SLC35F4: variants seen among roughly 807,000 people sequenced by gnomAD.
SLC35F4 encodes the protein solute carrier family 35 member F4.
Under a neutral mutation model 44.2 loss-of-function variants are expected in SLC35F4, and 24 were observed. The observed-to-expected ratio is 0.54, with a 90% CI of 0.39 to 0.76. The LOEUF is 0.76. Among genes scored for constraint, SLC35F4 ranks in the 30% least tolerant of loss-of-function variants. SLC35F4 has a pLI of 0.00. For synonymous variants in SLC35F4, 238 were observed against 223.6 expected, an observed-to-expected ratio of 1.06 and a Z score of -0.57; for missense variants, 562 against 586.1, an observed-to-expected ratio of 0.96 and a Z score of 0.42.
upstream of SLC35F4, among the ~76,000 whole-genome samples, chr14:57,868,955 T>C (rs145217928): frequency 9.2e-5 from 14 of 152,328 alleles, no homozygotes; most frequent in East Asian, 2.7e-3. Flanking sequence ...AAATAGTTTA[T>C]CATGATAGCC....
intron 1 of SLC35F4, among the ~76,000 whole-genome samples, chr14:57,612,002 A>T (rs1472984807): frequency 6.6e-6 from 1 of 152,186 alleles, no homozygotes; most frequent in Non-Finnish European, 1.5e-5. Context: ...TTTCCTTGAG[A>T]CAATATCTCA....
intron 1 of SLC35F4, among the ~76,000 whole-genome samples, chr14:57,791,186 A>C (rs905477821): frequency 4.6e-5 from 7 of 152,206 alleles, no homozygotes; most frequent in African/African-American, 1.7e-4. Context: ...CTATCATCGG[A>C]GTGAACAGGC....
chr14:57,862,860 G>T (rs1887798421), intron 1 of SLC35F4, among the ~76,000 whole-genome samples: 1 of 152,022 alleles, frequency 6.6e-6, no homozygotes, highest in Admixed American at 6.6e-5. Flanking sequence ...TTTCTTTATT[G>T]TCTTGTTTGC....
chr14:57,878,052 C>T (rs1888438997), intron 1 of SLC35F4, among the ~76,000 whole-genome samples: 1 of 151,964 alleles, frequency 6.6e-6, no homozygotes, highest in Admixed American at 6.6e-5. Flanking sequence ...TTTGGGTTTG[C>T]ATTTTTCTAA....
intron 1 of SLC35F4, among the ~76,000 whole-genome samples, chr14:57,786,631 T>C (rs1056215152): frequency 1.3e-5 from 2 of 152,140 alleles, no homozygotes; most frequent in Admixed American, 6.5e-5. Context: ...CGGAGCCAGG[T>C]AGACTCACTG....
At chr14:57,897,137 G>A (rs1888890990) in intron 1 of SLC35F4, among the ~76,000 whole-genome samples, 1 of 152,150 alleles carries the variant, frequency 6.6e-6, no homozygotes, top group African/African-American at 2.4e-5. Context: ...TTCACCAGAA[G>A]CACTGAGATA....
intron 1 of SLC35F4, among the ~76,000 whole-genome samples, chr14:57,979,920 A>T (rs143394660): frequency 6.6e-6 from 1 of 152,358 alleles, no homozygotes; most frequent in East Asian, 1.9e-4. Context: ...GAAAATAGTA[A>T]ATGTCATAAT....
intron 1 of SLC35F4, among the ~76,000 whole-genome samples, chr14:57,619,986 T>G (rs2072083674): frequency 1.3e-5 from 2 of 151,326 alleles, no homozygotes; most frequent in Admixed American, 1.3e-4. Flanking sequence ...AAGACAAGAT[T>G]AGTGAAAAAA....
intron 4 of SLC35F4, among the ~76,000 whole-genome samples, chr14:57,576,835 A>T (rs186525145): frequency 6.6e-6 from 1 of 152,306 alleles, no homozygotes; most frequent in Admixed American, 6.5e-5. Context: ...GTTGTAAAGA[A>T]ATCCCACGAA....
chr14:57,829,469 G>A (rs1433845696), intron 1 of SLC35F4, among the ~76,000 whole-genome samples: 1 of 152,190 alleles, frequency 6.6e-6, no homozygotes, highest in African/African-American at 2.4e-5. Flanking sequence ...TGTTCCCTCA[G>A]TGACAGAATA....
At chr14:57,719,305 G>A (rs1594876802) in intron 1 of SLC35F4, among the ~76,000 whole-genome samples, 2 of 151,958 alleles carry the variant, frequency 1.3e-5, no homozygotes, top group African/African-American at 2.4e-5. Context: ...GCTATTATGG[G>A]TCCTTTGTGA....
chr14:57,847,351 T>G (rs1460757585), intron 1 of SLC35F4, among the ~76,000 whole-genome samples: 3 of 152,164 alleles, frequency 2.0e-5, no homozygotes, highest in Non-Finnish European at 4.4e-5. Flanking sequence ...AAGCAGCAAC[T>G]TGAGAACCAC....
At chr14:57,607,511 C>T (rs371789409) in intron 1 of SLC35F4, among the ~76,000 whole-genome samples, 83 of 152,308 alleles carry the variant, frequency 5.4e-4, no homozygotes, top group Middle Eastern at 3.4e-3. Context: ...TGGACCTAAA[C>T]CCACAATGAT....
chr14:57,706,948 A>G (rs1160691033), intron 1 of SLC35F4, among the ~76,000 whole-genome samples: 1 of 152,210 alleles, frequency 6.6e-6, no homozygotes, highest in Non-Finnish European at 1.5e-5. Context: ...TCTGGCTGCA[A>G]TAGAAAGGTT....
At chr14:57,874,625 T>C (rs1888360843) in intron 1 of SLC35F4, among the ~76,000 whole-genome samples, 3 of 152,188 alleles carry the variant, frequency 2.0e-5, no homozygotes, top group Admixed American at 2.0e-4. Flanking sequence ...TCACTCTCAG[T>C]GGATCATCTT....
intron 1 of SLC35F4, among the ~76,000 whole-genome samples, chr14:57,707,270 C>T (rs1327308405): frequency 1.3e-5 from 2 of 152,106 alleles, no homozygotes; most frequent in East Asian, 3.9e-4. Flanking sequence ...TTGTCCCCAC[C>T]GAAATCTCAT....
intron 1 of SLC35F4, among the ~76,000 whole-genome samples, chr14:57,733,360 T>TA (rs71104585): frequency 0.057 from 7,837 of 138,294 alleles, 590 homozygotes; most frequent in African/African-American, 0.18. Flanking sequence ...CAATTTTCTT[T>TA]AAAAAAAAAA....
At chr14:57,789,805 G>A (rs2077868105) in intron 1 of SLC35F4, among the ~76,000 whole-genome samples, 1 of 152,172 alleles carries the variant, frequency 6.6e-6, no homozygotes, top group Non-Finnish European at 1.5e-5. Context: ...CCATTATCAA[G>A]TTGGCTTCAT....
chr14:57,755,470 C>T (rs537083250), intron 1 of SLC35F4, among the ~76,000 whole-genome samples: 7 of 152,268 alleles, frequency 4.6e-5, no homozygotes, highest in Admixed American at 3.3e-4. Flanking sequence ...TTCTTTCTCA[C>T]TCCTTTGTAG....
Sources: gnomAD v4.1 joint callset for allele counts (sites outside exome capture counted in the v4.1 genomes callset) on GRCh38, gnomAD v4.1.1 for gene constraint, MANE v1.5 for transcripts, NCBI Gene and HGNC (gene_info 2026-07-23, HGNC 2026-07-21) for gene names.